Variants in MEI4 observed in about 807,000 individuals in gnomAD.
The protein encoded by MEI4 is meiotic double-stranded break formation protein 4.
Under a neutral mutation model 31.4 loss-of-function variants are expected in MEI4, and 27 were observed. That is an observed-to-expected ratio of 0.86 (90% confidence interval 0.63 to 1.19). The LOEUF (loss-of-function observed/expected upper bound fraction) is 1.19, where lower values mean the gene tolerates loss of function less well. Among genes scored for constraint, MEI4 ranks in the 50% most tolerant of loss-of-function variants. The pLI is 0.00. For missense variants in MEI4, 329 were observed against 398.9 expected, an observed-to-expected ratio of 0.82 and a Z score of 1.49; for synonymous variants, 122 against 145.4, an observed-to-expected ratio of 0.84 and a Z score of 1.16.
chr6:77,732,599 C>T (rs1767037372), intron 2 of MEI4, among the ~76,000 whole-genome samples: 1 of 149,740 alleles, frequency 6.7e-6, no homozygotes, highest in Non-Finnish European at 1.5e-5. Context: ...TTCCTCTTTT[C>T]CTAATTGAAT....
intron 4 of MEI4, among the ~76,000 whole-genome samples, chr6:77,883,717 G>GATAGATATATATATAT (rs1554172067): frequency 0.012 from 503 of 43,212 alleles, 6 homozygotes; most frequent in Admixed American, 0.05. Flanking sequence ...TATTATGTAA[G>GATAGATATATATATAT]ATATATATAT....
intron 1 of MEI4, among the ~76,000 whole-genome samples, chr6:77,669,501 G>T (rs1362004124): frequency 6.6e-6 from 1 of 152,080 alleles, no homozygotes; most frequent in Non-Finnish European, 1.5e-5. Context: ...CTTTTTAAGG[G>T]TTTATTATTA....
Position 77,653,104 on chromosome 6 carries a change from C to T in MEI4, c.-15+12C>T, listed in dbSNP as rs1216943227. ...TTCTCTGTTTACTGGTGAGCTGGTT[C>T]TCCACTCTTGAGCACTTGAAATGTA... On this transcript the variant is annotated intron_variant, in intron 1 of 4. Transcript: ENST00000684080. 2.0e-5 allele frequency among the ~76,000 whole-genome samples: 3 copies of T among 152,168 alleles called. No individual in the cohort carries two copies. The highest frequency in any genetic ancestry group is 4.4e-5 in the Non-Finnish European group (3 of 68,030).
intron 4 of MEI4, among the ~76,000 whole-genome samples, chr6:77,910,592 G>A (rs1452784774): frequency 1.1e-4 from 17 of 152,082 alleles, no homozygotes; most frequent in Admixed American, 1.1e-3. Context: ...ACGCTCATGG[G>A]TAGGAAGAAT....
intron 4 of MEI4, among the ~76,000 whole-genome samples, chr6:77,839,320 G>C (rs2127714132): frequency 6.6e-6 from 1 of 152,230 alleles, no homozygotes; most frequent in Admixed American, 6.5e-5. Flanking sequence ...TAGGTAAAGA[G>C]ACTTCTGGGA....
chr6:77,731,213 A>T (rs1766979495), intron 2 of MEI4, among the ~76,000 whole-genome samples: 1 of 149,766 alleles, frequency 6.7e-6, no homozygotes, highest in South Asian at 2.1e-4. Flanking sequence ...ACTGACTTCC[A>T]CAATGGTTGA....
At chr6:77,773,335 C>T (rs187827327) in intron 3 of MEI4, among the ~76,000 whole-genome samples, 1 of 151,832 alleles carries the variant, frequency 6.6e-6, no homozygotes, top group Non-Finnish European at 1.5e-5. Context: ...TAGAAACAGA[C>T]ATACAAATCA....
At chr6:77,685,531 G>A (rs986280732) in intron 1 of MEI4, among the ~76,000 whole-genome samples, 4 of 151,880 alleles carry the variant, frequency 2.6e-5, no homozygotes, top group African/African-American at 9.7e-5. Context: ...TTCCTTTGCT[G>A]TGCAGAAGCA....
chr6:77,892,730 C>T (rs1445557039), intron 4 of MEI4, among the ~76,000 whole-genome samples: 1 of 152,136 alleles, frequency 6.6e-6, no homozygotes, highest in Non-Finnish European at 1.5e-5. Flanking sequence ...GGCCTTATGT[C>T]ACTGCAGCTC....
intron 1 of MEI4, among the ~76,000 whole-genome samples, chr6:77,681,766 A>G (rs912513907): frequency 6.6e-6 from 1 of 152,186 alleles, no homozygotes; most frequent in Non-Finnish European, 1.5e-5. Context: ...GAAACATGAT[A>G]GATAGTTGAT....
intron 4 of MEI4, among the ~76,000 whole-genome samples, chr6:77,916,914 C>G (rs1766569023): frequency 8.4e-6 from 1 of 119,754 alleles, no homozygotes; most frequent in Non-Finnish European, 2.0e-5. Context: ...TGCTATCCCT[C>G]CCCCCCTACC....
At chr6:77,769,487 A>G (rs1768255777) in intron 3 of MEI4, among the ~76,000 whole-genome samples, 1 of 152,086 alleles carries the variant, frequency 6.6e-6, no homozygotes, top group South Asian at 2.1e-4. Context: ...GAGCCAGGGA[A>G]CTTGGAGTGC....
intron 3 of MEI4, among the ~76,000 whole-genome samples, chr6:77,812,666 G>A (rs1406689101): frequency 6.6e-6 from 1 of 152,060 alleles, no homozygotes; most frequent in Non-Finnish European, 1.5e-5. Flanking sequence ...GACTGATCAC[G>A]TCTCTGGTAA....
intron 4 of MEI4, among the ~76,000 whole-genome samples, chr6:77,897,546 T>C (rs148215296): frequency 2.2e-4 from 33 of 152,120 alleles, no homozygotes; most frequent in Admixed American, 7.9e-4. Context: ...CAAATACTTA[T>C]GTACACAACG....
At chr6:77,694,540 A>G (rs903594729) in intron 2 of MEI4, among the ~76,000 whole-genome samples, 9 of 151,166 alleles carry the variant, frequency 6.0e-5, no homozygotes, top group Middle Eastern at 3.4e-3. Context: ...GTGATAGTTT[A>G]CTGAGAATGA....
At chr6:77,739,185 G>A (rs1474366419) in intron 2 of MEI4, among the ~76,000 whole-genome samples, 1 of 151,256 alleles carries the variant, frequency 6.6e-6, no homozygotes, top group Non-Finnish European at 1.5e-5. Flanking sequence ...TATTGCCTAA[G>A]TTTTCTTCTA....
chr6:77,901,883 G>A (rs919567603), intron 4 of MEI4, among the ~76,000 whole-genome samples: 1 of 151,988 alleles, frequency 6.6e-6, no homozygotes. Context: ...GTTGATTTTT[G>A]TATATGGTGT....
chr6:77,801,483 T>C (rs1288588636), intron 3 of MEI4, among the ~76,000 whole-genome samples: 9 of 152,254 alleles, frequency 5.9e-5, no homozygotes, highest in African/African-American at 2.2e-4. Flanking sequence ...GTGTCTCTAT[T>C]TCCTTCAGTT....
At chr6:77,692,255 G>A (rs960993992) in intron 2 of MEI4, among the ~76,000 whole-genome samples, 2 of 151,974 alleles carry the variant, frequency 1.3e-5, no homozygotes, top group Non-Finnish European at 2.9e-5. Flanking sequence ...CTCCTCTAGT[G>A]GACCCCCACT....
Sources: allele counts gnomAD v4.1 joint callset (sites outside exome capture counted in the v4.1 genomes callset), GRCh38; gene constraint gnomAD v4.1.1; transcripts MANE v1.5; gene names NCBI Gene and HGNC (gene_info 2026-07-23, HGNC 2026-07-21).